Variants in CFAP95 observed in about 807,000 individuals in gnomAD.
The protein encoded by CFAP95 is cilia- and flagella-associated protein 95.
the CFAP95 span, among the ~76,000 whole-genome samples, chr9:69,852,809 C>A: frequency 6.6e-6 from 1 of 152,160 alleles, no homozygotes; most frequent in African/African-American, 2.4e-5. Context: ...CTTTCCCATG[C>A]TGTTCTTGTA....
the CFAP95 span, chr9:69,821,056 C>A: frequency 1.2e-6 from 2 of 1,608,280 alleles, no homozygotes; most frequent in Admixed American, 3.3e-5. Flanking sequence ...CTCGCAAGTT[C>A]CCGGGTGCTG....
the CFAP95 span, among the ~76,000 whole-genome samples, chr9:69,882,673 A>G: frequency 6.6e-6 from 1 of 152,204 alleles, no homozygotes; most frequent in Non-Finnish European, 1.5e-5. Context: ...TTGAACTTTT[A>G]TCAAATACTT....
At chr9:69,827,330 A>G in the CFAP95 span, among the ~76,000 whole-genome samples, 1 of 152,258 alleles carries the variant, frequency 6.6e-6, no homozygotes, top group Non-Finnish European at 1.5e-5. Flanking sequence ...CAGAATTAGA[A>G]ATATGCACAC....
chr9:69,893,129 C>T, the CFAP95 span, among the ~76,000 whole-genome samples: 1 of 152,180 alleles, frequency 6.6e-6, no homozygotes, highest in Non-Finnish European at 1.5e-5. Context: ...CCCTCAGGGG[C>T]TCTGGGGGTC....
the CFAP95 span, chr9:69,886,766 G>A: frequency 7.0e-4 from 758 of 1,086,556 alleles, 4 homozygotes; most frequent in South Asian, 3.7e-3. Flanking sequence ...CATGTAAAGT[G>A]TATACCAATA....
At chr9:69,838,162 G>T in the CFAP95 span, among the ~76,000 whole-genome samples, 30 of 152,168 alleles carry the variant, frequency 2.0e-4, no homozygotes, top group Non-Finnish European at 1.6e-4. Context: ...AAGTCAGGTA[G>T]CGTGATGCCT....
the CFAP95 span, among the ~76,000 whole-genome samples, chr9:69,842,649 G>T: frequency 6.6e-6 from 1 of 152,180 alleles, no homozygotes; most frequent in East Asian, 1.9e-4. Context: ...ATGTGAAAAT[G>T]GAAGCACAGA....
chr9:69,865,621 T>C, the CFAP95 span, among the ~76,000 whole-genome samples: 3 of 152,186 alleles, frequency 2.0e-5, no homozygotes, highest in Non-Finnish European at 4.4e-5. Context: ...ATTGGAGTTC[T>C]AGGGAAGATG....
the CFAP95 span, among the ~76,000 whole-genome samples, chr9:69,825,546 C>G: frequency 6.6e-6 from 1 of 152,166 alleles, no homozygotes; most frequent in Non-Finnish European, 1.5e-5. Context: ...CCTTATCACA[C>G]CTTGATGCTT....
chr9:69,832,620 A>ATTTTTTTTT, the CFAP95 span, among the ~76,000 whole-genome samples: 4 of 11,350 alleles, frequency 3.5e-4, no homozygotes, highest in African/African-American at 1.3e-3. Flanking sequence ...GTCTATTCGG[A>ATTTTTTTTT]TTTTTTTTTT....
the CFAP95 span, among the ~76,000 whole-genome samples, chr9:69,836,688 T>TC: frequency 5.6e-5 from 6 of 106,244 alleles, no homozygotes; most frequent in African/African-American, 1.3e-4. Context: ...GGCTTCAATT[T>TC]CTTTTTTTTT....
the CFAP95 span, among the ~76,000 whole-genome samples, chr9:69,829,364 A>G: frequency 1.3e-5 from 2 of 152,208 alleles, no homozygotes; most frequent in Non-Finnish European, 2.9e-5. Context: ...ATCGTTATAG[A>G]ATGATTGTGC....
At chr9:69,840,574 A>T in the CFAP95 span, among the ~76,000 whole-genome samples, 1 of 152,230 alleles carries the variant, frequency 6.6e-6, no homozygotes, top group Admixed American at 6.5e-5. Flanking sequence ...AAGTCAGAGA[A>T]TTAATTCAGT....
At chr9:69,861,192 G>A in the CFAP95 span, among the ~76,000 whole-genome samples, 3,183 of 152,252 alleles carry the variant, frequency 0.021, 117 homozygotes, top group African/African-American at 0.073. Flanking sequence ...ATATTACAAA[G>A]GCAACAATGT....
the CFAP95 span, among the ~76,000 whole-genome samples, chr9:69,831,157 A>G: frequency 6.6e-6 from 1 of 152,182 alleles, no homozygotes; most frequent in Admixed American, 6.6e-5. Flanking sequence ...TAGATCTCCA[A>G]TCAGATGGTT....
the CFAP95 span, among the ~76,000 whole-genome samples, chr9:69,848,584 C>T: frequency 6.6e-6 from 1 of 152,138 alleles, no homozygotes; most frequent in African/African-American, 2.4e-5. Flanking sequence ...TCTGCCATTC[C>T]CACTTTTACC....
chr9:69,837,212 G>A, the CFAP95 span, among the ~76,000 whole-genome samples: 1 of 152,184 alleles, frequency 6.6e-6, no homozygotes, highest in Non-Finnish European at 1.5e-5. Flanking sequence ...TGTCTTTACA[G>A]CAGCATGATT....
At chr9:69,838,587 C>G in the CFAP95 span, among the ~76,000 whole-genome samples, 1 of 151,494 alleles carries the variant, frequency 6.6e-6, no homozygotes, top group African/African-American at 2.4e-5. Context: ...GATTTTGTAT[C>G]CTGAGACTTC....
chr9:69,886,807 C>T, the CFAP95 span: 1 of 1,572,032 alleles, frequency 6.4e-7, no homozygotes, highest in East Asian at 2.2e-5. Flanking sequence ...TTTTTGAAGT[C>T]ATTCTTTCCT....
Sources: allele counts gnomAD v4.1 joint callset (sites outside exome capture counted in the v4.1 genomes callset), GRCh38; gene constraint gnomAD v4.1.1; transcripts MANE v1.5; gene names NCBI Gene and HGNC (gene_info 2026-07-23, HGNC 2026-07-21).